The following USP37 variants were observed in gnomAD, a reference collection of about 807,000 sequenced individuals.
USP37 encodes ubiquitin specific peptidase 37.
In USP37, 27 loss-of-function variants were observed where a neutral mutation model predicts 124.0. The ratio of observed to expected loss-of-function variants is 0.22; its 90% confidence interval spans 0.16 to 0.30. The LOEUF is 0.30. Among genes scored for constraint, USP37 ranks in the 10% least tolerant of loss-of-function variants. The probability of loss-of-function intolerance (pLI) is 1.00; values close to 1 mark genes in which losing one functional copy is unlikely to be tolerated. For synonymous variants in USP37, 365 were observed against 388.0 expected, an observed-to-expected ratio of 0.94 and a Z score of 0.70; for missense variants, 889 against 1,140.4, an observed-to-expected ratio of 0.78 and a Z score of 3.17.
At chr2:218,488,193 A>AAG (rs1574871333) in intron 15 of USP37, 111 bp downstream of exon 15, 3 of 630,650 alleles carry the variant, frequency 4.8e-6, no homozygotes, top group East Asian at 6.3e-5. Flanking sequence ...AAAAAAAAAA[A>AAG]AAAAGAAAAG....
chr2:218,557,930 CA>C (rs61488353), intron 4 of USP37, among the ~76,000 whole-genome samples: 1,868 of 35,596 alleles, frequency 0.052, 47 homozygotes, highest in African/African-American at 0.15. Context: ...GACTCTGTCT[CA>C]AAAAAAAAAA....
chr2:218,474,808 CTCT>C lies in USP37; in HGVS notation c.2118_2120del (p.Glu707del), dbSNP rs1368452277. ...TTATCTCCAAGACAGCTGCTAGAAG[CTCT>C]TCTTCGCTCATTCTGTCAAATCCTG... On this transcript the variant is annotated inframe_deletion, in exon 20 of 26. Coordinates refer to ENST00000258399, the MANE Select transcript of USP37 (RefSeq NM_020935.3). 6.2e-7 allele frequency: 1 copy of C among 1,614,020 alleles called. No individual in the cohort carries two copies. Among genetic ancestry groups the C allele is most frequent in the Non-Finnish European group, 8.5e-7 (1 of 1,180,030 alleles).
intron 25 of USP37, 126 bp downstream of exon 25, chr2:218,455,454 G>T: frequency 7.5e-7 from 1 of 1,324,856 alleles, no homozygotes. Context: ...AACCAAAGAT[G>T]ATAAAAACCA....
intron 8 of USP37, among the ~76,000 whole-genome samples, chr2:218,542,109 G>C (rs1692009868): frequency 6.6e-6 from 1 of 152,116 alleles, no homozygotes; most frequent in Non-Finnish European, 1.5e-5. Flanking sequence ...TATTCTCTGT[G>C]GTACTTTTAC....
Position 218,487,428 on chromosome 2 carries a change from C to CT in USP37, c.1590+875dup, listed in dbSNP as rs904008150. On this transcript the variant is annotated intron_variant, in intron 15 of 25. Transcript: ENST00000258399. ...ATATTTGTTTACAAATAACAAACTA[C>CT]TTTTTTTTTTTGAGACGGAGTCTCG... Among the ~76,000 whole-genome samples, 347 of 148,278 alleles carry CT rather than the reference C, an allele frequency of 2.3e-3. 2 individuals carry two copies. The highest frequency in any genetic ancestry group is 3.5e-3 in the Non-Finnish European group (230 of 66,632).
At chr2:218,465,987 G>A in intron 21 of USP37, 23 bp downstream of exon 21, 1 of 1,598,134 alleles carries the variant, frequency 6.3e-7, no homozygotes, top group Non-Finnish European at 8.5e-7. Flanking sequence ...TACAGAGAAA[G>A]TAGCAATATA....
At chr2:218,526,950 G>A (rs966427713) in intron 10 of USP37, among the ~76,000 whole-genome samples, 9 of 151,692 alleles carry the variant, frequency 5.9e-5, no homozygotes, top group South Asian at 2.1e-4. Context: ...CACCACGCCC[G>A]GCTAATTTTT....
At position 218,474,774 on chromosome 2, in the gene USP37, C is replaced by T. The variant is rs1283430427; in HGVS notation, c.2155G>A (p.Asp719Asn). 2.5e-6 allele frequency: 4 copies of T among 1,614,178 alleles called. No individual in the cohort carries two copies. In the Admixed American group the frequency reaches 6.7e-5, roughly 27 times the overall value. Residue 719 changes from aspartate to asparagine, a missense_variant, in exon 20 of 26, where the codon GAT becomes AAT. Physicochemically the swap from Asp to Asn is conservative, Grantham distance 23 (BLOSUM62 1). Transcript: ENST00000258399. ...TCATGACTCAGAGATGGTGAAGCAT[C>T]TCTCTTACTTATCTCCAAGACAGCT... ...LAAVLEISKR[D>N]ASPSLSHEDD...
intron 16 of USP37, 79 bp downstream of exon 16, chr2:218,485,585 A>G: frequency 6.9e-7 from 1 of 1,442,250 alleles, no homozygotes. Flanking sequence ...AACTTTAAAA[A>G]GAAAAATTGA....
rs1284800271 is a variant in USP37, at chr2:218,560,804, A to G, written c.-25+16T>C. 1 of 151,816 alleles carries G rather than the reference A, an allele frequency of 6.6e-6. No homozygotes were observed. The highest frequency in any genetic ancestry group is 1.5e-5 in the Non-Finnish European group (1 of 68,038). The allele number at this position is 151,816 out of a possible 1,614,324, so 9.4% of individuals were successfully genotyped here. On this transcript the variant is annotated intron_variant, in intron 3 of 25. Coordinates refer to ENST00000258399, the MANE Select transcript of USP37 (RefSeq NM_020935.3). The stretch of plus-strand genomic sequence containing the variant: ...TCAAATTTATTTTTAACAGCTACAA[A>G]TCAAACAAAACTCACCTACAGGCAG...
intron 6 of USP37, 53 bp downstream of exon 6, chr2:218,549,756 G>A: frequency 1.3e-6 from 2 of 1,555,436 alleles, no homozygotes; most frequent in Non-Finnish European, 1.8e-6. Flanking sequence ...GAGCCACTGT[G>A]CCTGGCCAAC....
At chr2:218,488,091 C>T (rs979932291) in intron 15 of USP37, among the ~76,000 whole-genome samples, 3 of 148,196 alleles carry the variant, frequency 2.0e-5, no homozygotes, top group East Asian at 2.0e-4. Context: ...GTGGGAGGAC[C>T]GCTTGAAACT....
Position 218,527,098 on chromosome 2 carries a change from A to G in USP37, c.863+2858T>C, listed in dbSNP as rs77741708. ...CCACCGCGCCCGGCCTGCTTTTATC[A>G]TCTCGGTTTCCTTGCTATATTCCAC... is the stretch of plus-strand genomic sequence containing the variant. On this transcript the variant is annotated intron_variant, in intron 10 of 25. Transcript: ENST00000258399. 9.5e-3 allele frequency among the ~76,000 whole-genome samples: 1,444 copies of G among 151,858 alleles called. 22 individuals are homozygous for G. Among genetic ancestry groups the G allele is most frequent in the African/African-American group, 0.033 (1,379 of 41,460 alleles).
chr2:218,566,219 G>A (rs771851699), intron 1 of USP37, among the ~76,000 whole-genome samples: 6 of 152,196 alleles, frequency 3.9e-5, no homozygotes, highest in South Asian at 4.1e-4. Context: ...CTGATAGATG[G>A]TGGTGCTGGA....
chr2:218,554,246 T>A (rs1428204203), intron 4 of USP37, among the ~76,000 whole-genome samples: 1 of 152,212 alleles, frequency 6.6e-6, no homozygotes, highest in Non-Finnish European at 1.5e-5. Flanking sequence ...GTTTCATTTC[T>A]TAGTCACAGT....
intron 4 of USP37, among the ~76,000 whole-genome samples, chr2:218,557,318 A>G (rs1693044649): frequency 6.6e-6 from 1 of 152,158 alleles, no homozygotes; most frequent in Non-Finnish European, 1.5e-5. Flanking sequence ...AAACATTTGA[A>G]TATTTACTCA....
At chr2:218,544,877 G>T (rs1692236445) in intron 8 of USP37, among the ~76,000 whole-genome samples, 1 of 152,172 alleles carries the variant, frequency 6.6e-6, no homozygotes, top group Admixed American at 6.5e-5. Flanking sequence ...GTGTGCATGA[G>T]GTCTGGAGTG....
chr2:218,465,634 T>C (rs1474003962), intron 21 of USP37, among the ~76,000 whole-genome samples: 1 of 152,168 alleles, frequency 6.6e-6, no homozygotes, highest in African/African-American at 2.4e-5. Flanking sequence ...CTCAGCTCAC[T>C]GCAACCTCTG....
intron 15 of USP37, among the ~76,000 whole-genome samples, 193 bp from the exon 16 acceptor site, chr2:218,485,936 C>A (rs2105978533): frequency 6.6e-6 from 1 of 152,256 alleles, no homozygotes; most frequent in South Asian, 2.1e-4. Flanking sequence ...TAATATCATG[C>A]CCCATTTCAG....
Sources: gnomAD v4.1 joint callset for allele counts (sites outside exome capture counted in the v4.1 genomes callset) on GRCh38, gnomAD v4.1.1 for gene constraint, MANE v1.5 for transcripts, NCBI Gene and HGNC (gene_info 2026-07-23, HGNC 2026-07-21) for gene names.